UTRN: variants seen among roughly 807,000 people sequenced by gnomAD.
UTRN encodes utrophin.
Under a neutral mutation model 463.9 loss-of-function variants are expected in UTRN, and 283 were observed. The observed-to-expected ratio is 0.61, with a 90% CI of 0.55 to 0.67. The LOEUF is 0.67. Ranked by LOEUF, UTRN falls within the 30% of genes least tolerant of loss-of-function variation. UTRN has a pLI of 0.00. For missense variants in UTRN, 3,922 were observed against 4,084.3 expected (o/e 0.96, Z 1.08); for synonymous variants, 1,442 against 1,431.5 (o/e 1.01, Z -0.17).
chr6:144,474,915 C>T (rs925544786), intron 25 of UTRN, among the ~76,000 whole-genome samples, 156 bp downstream of exon 25: 4 of 152,150 alleles, frequency 2.6e-5, no homozygotes, highest in African/African-American at 9.7e-5. Flanking sequence ...AAAAAGGCAT[C>T]ATTTTTTAAA....
At chr6:144,646,167 T>C (rs1778281086) in intron 51 of UTRN, among the ~76,000 whole-genome samples, 1 of 152,200 alleles carries the variant, frequency 6.6e-6, no homozygotes, top group Admixed American at 6.5e-5. Context: ...AATTAGTGGT[T>C]ACAGTGTCAT....
At chr6:144,692,719 C>G (rs1459303778) in intron 52 of UTRN, among the ~76,000 whole-genome samples, 1 of 152,048 alleles carries the variant, frequency 6.6e-6, no homozygotes, top group African/African-American at 2.4e-5. Flanking sequence ...TGTTCATGTC[C>G]TTTGCCCACT....
At chr6:144,591,288 A>G (rs971127859) in intron 51 of UTRN, among the ~76,000 whole-genome samples, 11 of 152,154 alleles carry the variant, frequency 7.2e-5, no homozygotes, top group Admixed American at 3.9e-4. Context: ...CCTGCTTTCA[A>G]CAGTGAAGGA....
intron 2 of UTRN, among the ~76,000 whole-genome samples, chr6:144,400,283 A>G (rs759380300): frequency 1.3e-5 from 2 of 152,190 alleles, no homozygotes; most frequent in African/African-American, 4.8e-5. Flanking sequence ...TTGCATTCTT[A>G]CACATTTTTG....
chr6:144,653,843 T>C (rs756945801), intron 51 of UTRN, among the ~76,000 whole-genome samples: 3 of 152,232 alleles, frequency 2.0e-5, no homozygotes, highest in Non-Finnish European at 2.9e-5. Flanking sequence ...AATTATCCCT[T>C]ACCCTCAAAT....
rs1048151637 is a variant in UTRN, at chr6:144,628,189, T to A, written c.7480-50217T>A. Among the ~76,000 whole-genome samples, 21 of 152,320 alleles carry A rather than the reference T, an allele frequency of 1.4e-4. No homozygotes were observed. The South Asian group carries it at 4.4e-3, about 32-fold the overall frequency. On this transcript the variant is annotated intron_variant, in intron 51 of 74. Coordinates refer to ENST00000367545, the MANE Select transcript of UTRN (RefSeq NM_007124.3). The stretch of plus-strand genomic sequence containing the variant: ...TATGGGTACTTGGGTTTTGACTTCT[T>A]GGCTATTGTGAATAATGCTGCTATG...
At chr6:144,633,454 G>C (rs1042929349) in intron 51 of UTRN, among the ~76,000 whole-genome samples, 1 of 151,682 alleles carries the variant, frequency 6.6e-6, no homozygotes, top group Non-Finnish European at 1.5e-5. Context: ...GAATGATCTC[G>C]ATCTCCTGAC....
rs1562413111 is a variant in UTRN, at chr6:144,447,261, C to T, written c.1665C>T (p.Val555=). 1 of 1,613,916 alleles carries T rather than the reference C, an allele frequency of 6.2e-7. No individual in the cohort carries two copies. Among genetic ancestry groups the T allele is most frequent in the Non-Finnish European group, 8.5e-7 (1 of 1,179,910 alleles). The change falls in exon 15 of 75, where the codon GTC becomes GTT. Residue 555 remains valine (V), a synonymous_variant. Coordinates refer to ENST00000367545, the MANE Select transcript of UTRN (RefSeq NM_007124.3). ...AAAAAGAAGAGGCTTTAAATAAAGT[C>T]CAGACAAGCAACTTCAAAGACCAAA... ...LTEKEEALNK[V]QTSNFKDQKE...
chr6:144,801,942 A>G (rs966619459), intron 64 of UTRN, among the ~76,000 whole-genome samples: 12 of 152,096 alleles, frequency 7.9e-5, no homozygotes, highest in Admixed American at 1.3e-4. Context: ...TTGAAATTCC[A>G]ATTAGAACCC....
intron 33 of UTRN, among the ~76,000 whole-genome samples, chr6:144,496,234 A>G (rs1793630931): frequency 6.6e-6 from 1 of 152,226 alleles, no homozygotes; most frequent in South Asian, 2.1e-4. Flanking sequence ...AATATTAACT[A>G]CTTCCAGTTG....
At chr6:144,543,443 G>GC (rs1489643680) in intron 46 of UTRN, among the ~76,000 whole-genome samples, 1 of 152,122 alleles carries the variant, frequency 6.6e-6, no homozygotes, top group African/African-American at 2.4e-5. Flanking sequence ...CTGCCCCATA[G>GC]CCACTGTTGC....
chr6:144,737,643 TA>T (rs1459744355), intron 54 of UTRN, among the ~76,000 whole-genome samples: 1 of 152,242 alleles, frequency 6.6e-6, no homozygotes, highest in African/African-American at 2.4e-5. Context: ...TTTCTGCTTA[TA>T]AATGGCTATT....
intron 54 of UTRN, among the ~76,000 whole-genome samples, chr6:144,743,355 CATT>C (rs1435154957): frequency 6.6e-6 from 1 of 152,196 alleles, no homozygotes; most frequent in Non-Finnish European, 1.5e-5. Flanking sequence ...AAATATCTAT[CATT>C]ATTTCATGGG....
At chr6:144,737,483 G>T (rs192843645) in intron 54 of UTRN, among the ~76,000 whole-genome samples, 1 of 146,860 alleles carries the variant, frequency 6.8e-6, no homozygotes, top group Non-Finnish European at 1.5e-5. Flanking sequence ...ATTATGGTGT[G>T]TGTATTTCTG....
chr6:144,517,379 T>TA (rs1795714365), intron 39 of UTRN, among the ~76,000 whole-genome samples: 3 of 151,714 alleles, frequency 2.0e-5, no homozygotes, highest in African/African-American at 4.9e-5. Flanking sequence ...TTTTTTTTTT[T>TA]TAAAGATGGG....
At chr6:144,316,116 G>A (rs1169792096) in intron 2 of UTRN, among the ~76,000 whole-genome samples, 8 of 152,156 alleles carry the variant, frequency 5.3e-5, no homozygotes, top group African/African-American at 1.7e-4. Flanking sequence ...CTGGGAGGCC[G>A]AGGCAGGAGG....
chr6:144,350,526 G>A (rs1184502653), intron 2 of UTRN, among the ~76,000 whole-genome samples: 1 of 152,186 alleles, frequency 6.6e-6, no homozygotes, highest in Admixed American at 6.5e-5. Context: ...AATTGCTGGG[G>A]CAAATATGCT....
intron 2 of UTRN, chr6:144,398,297 AT>A: frequency 3.3e-6 from 1 of 304,200 alleles, no homozygotes; most frequent in Non-Finnish European, 6.7e-6. Context: ...CTTTGTCAAC[AT>A]TTTGGGCTTC....
chr6:144,833,730 T>C (rs1383692242), intron 69 of UTRN, among the ~76,000 whole-genome samples: 1 of 152,252 alleles, frequency 6.6e-6, no homozygotes, highest in Admixed American at 6.5e-5. Flanking sequence ...CCTCCAGGCA[T>C]CGCTGACTTT....
Sources: gnomAD v4.1 joint callset for allele counts (sites outside exome capture counted in the v4.1 genomes callset) on GRCh38, gnomAD v4.1.1 for gene constraint, MANE v1.5 for transcripts, NCBI Gene and HGNC (gene_info 2026-07-23, HGNC 2026-07-21) for gene names.